ANKS3: variants seen among roughly 807,000 people sequenced by gnomAD.
ANKS3 encodes ankyrin repeat and sterile alpha motif domain containing 3.
Under a neutral mutation model 80.7 loss-of-function variants are expected in ANKS3, and 62 were observed. The observed-to-expected ratio is 0.77, with a 90% CI of 0.63 to 0.95. The LOEUF (loss-of-function observed/expected upper bound fraction) is 0.95. ANKS3 is among the 40% of genes least tolerant of loss of function. ANKS3 has a pLI of 0.00. For synonymous variants in ANKS3, 489 were observed against 355.3 expected (o/e 1.38, Z -4.23); for missense variants, 1,150 against 883.6 (o/e 1.30, Z -3.82).
At position 4,702,189 on chromosome 16, in the gene ANKS3, G is replaced by A. The variant is rs2079952366; in HGVS notation, c.922C>T (p.Leu308=). The A allele has an allele frequency of 1.9e-6, 3 of 1,594,424 alleles. No individual in the cohort carries two copies. The highest frequency in any genetic ancestry group is 1.7e-5 in the Admixed American group (1 of 57,232). The change falls in exon 9 of 18, where the codon CTG becomes TTG. Residue 308 remains leucine (L), a synonymous_variant. Coordinates refer to ENST00000304283, the MANE Select transcript of ANKS3 (RefSeq NM_133450.4). The part of the protein sequence containing the change: ...VTFNSSGENP[L]EEEGLCCRDV... Reference sequence around the variant, plus strand: ...CGGCAGCAGAGGCCCTCTTCTTCCAGGGGGTTCTCGCCACTGCTGTTGAAG... The same window carrying A: ...CGGCAGCAGAGGCCCTCTTCTTCCAAGGGGTTCTCGCCACTGCTGTTGAAG...
Position 4,698,935 on chromosome 16 carries a change from A to T in ANKS3, c.1416T>A (p.Phe472Leu). 1.2e-6 allele frequency: 2 copies of T among 1,602,186 alleles called. No homozygotes were observed. The highest frequency in any genetic ancestry group is 1.7e-6 in the Non-Finnish European group (2 of 1,172,718). ...SDLKEIGITLFGPKRKMTSAI... is the reference protein window; with the variant it reads ...SDLKEIGITLLGPKRKMTSAI... Reference sequence around the variant, plus strand: ...CGGACGTCATCTTCCTCTTGGGCCCAAACAGCCTGCGGGGGGAATGTGACC... The same window carrying T: ...CGGACGTCATCTTCCTCTTGGGCCCTAACAGCCTGCGGGGGGAATGTGACC... The change falls in exon 13 of 18, where the codon TTT (phenylalanine) becomes TTA (leucine). Residue 472 changes from phenylalanine (F) to leucine (L), a missense_variant. Transcript: ENST00000304283.
chr16:4,710,894 G>A (rs1162396427), intron 7 of ANKS3, among the ~76,000 whole-genome samples: 3 of 152,104 alleles, frequency 2.0e-5, no homozygotes, highest in African/African-American at 7.2e-5. Flanking sequence ...CCCCTCCCGG[G>A]TTCAAGTGAT....
At chr16:4,720,275 A>C (rs1451709934) in intron 6 of ANKS3, among the ~76,000 whole-genome samples, 1 of 150,384 alleles carries the variant, frequency 6.6e-6, no homozygotes, top group Non-Finnish European at 1.5e-5. Flanking sequence ...CATCCTGGCC[A>C]ACATGGTGAA....
intron 7 of ANKS3, among the ~76,000 whole-genome samples, chr16:4,705,487 G>A (rs956731432): frequency 7.2e-5 from 11 of 152,334 alleles, no homozygotes; most frequent in East Asian, 3.9e-4. Flanking sequence ...TTGAGACAGA[G>A]TCTCACTCTG....
intron 6 of ANKS3, among the ~76,000 whole-genome samples, chr16:4,714,939 C>T (rs1279226892): frequency 1.6e-5 from 2 of 125,438 alleles, no homozygotes; most frequent in African/African-American, 6.0e-5. Flanking sequence ...CTGCAGTGAG[C>T]TGAGATCATG....
intron 11 of ANKS3, chr16:4,700,574 C>T: frequency 2.8e-6 from 1 of 360,518 alleles, no homozygotes; most frequent in Admixed American, 3.8e-5. Flanking sequence ...GTCAGAGGGA[C>T]CACAGAAAGG....
chr16:4,705,290 G>A (rs766442453), intron 7 of ANKS3, 37 bp from the exon 8 acceptor site: 5 of 1,597,606 alleles, frequency 3.1e-6, no homozygotes, highest in African/African-American at 1.3e-5. Flanking sequence ...AGTGTGTTCA[G>A]TAATGGACTC....
chr16:4,713,126 C>G (rs1244417945), intron 7 of ANKS3, among the ~76,000 whole-genome samples: 1 of 152,086 alleles, frequency 6.6e-6, no homozygotes, highest in Admixed American at 6.6e-5. Flanking sequence ...AAAAAATTAG[C>G]CGGGCATGGT....
intron 7 of ANKS3, among the ~76,000 whole-genome samples, chr16:4,706,080 T>C (rs2080172482): frequency 6.6e-6 from 1 of 152,106 alleles, no homozygotes; most frequent in South Asian, 2.1e-4. Flanking sequence ...TATATTTTAG[T>C]AGAGATGGGG....
At chr16:4,697,902 C>G in intron 15 of ANKS3, 75 bp downstream of exon 15, 1 of 1,333,638 alleles carries the variant, frequency 7.5e-7, no homozygotes. Context: ...AGGCCAAGCC[C>G]ACTGGGTCAA....
intron 10 of ANKS3, 85 bp from the exon 11 acceptor site, chr16:4,701,219 G>A: frequency 6.3e-7 from 1 of 1,583,338 alleles, no homozygotes; most frequent in Admixed American, 1.7e-5. Context: ...ACAGGGGCTT[G>A]AGAGGCTTCG....
chr16:4,704,522 G>A (rs1050462468), intron 8 of ANKS3, among the ~76,000 whole-genome samples: 1 of 152,138 alleles, frequency 6.6e-6, no homozygotes, highest in Non-Finnish European at 1.5e-5. Context: ...CACTCCCCAA[G>A]AGCAAAACGC....
At chr16:4,700,929 C>T (rs768419782) in intron 11 of ANKS3, 41 bp downstream of exon 11, 2 of 1,611,826 alleles carry the variant, frequency 1.2e-6, no homozygotes, top group Non-Finnish European at 1.7e-6. Context: ...ACAAAAAGTG[C>T]CGTCTCTGAG....
At chr16:4,709,161 C>G (rs984482674) in intron 7 of ANKS3, among the ~76,000 whole-genome samples, 1 of 151,512 alleles carries the variant, frequency 6.6e-6, no homozygotes, top group Non-Finnish European at 1.5e-5. Flanking sequence ...AATCCCAGCA[C>G]TTTGGGAGGC....
At position 4,698,577 on chromosome 16, in the gene ANKS3, G is replaced by A. The variant is rs377174585; in HGVS notation, c.1574C>T (p.Thr525Met). ...LHKRCEEVEA[T>M]RGQVCQEQEL... ...CTGCTCCTGACACACCTGGCCCCGCGTGGCCTCTACCTCCTCGCAGCGCTG... is the reference window on the plus strand; with the variant it reads ...CTGCTCCTGACACACCTGGCCCCGCATGGCCTCTACCTCCTCGCAGCGCTG... Residue 525 changes from threonine (T) to methionine (M), a missense_variant, in exon 14 of 18, where the codon ACG becomes ATG. By Grantham distance (81) the Thr-to-Met change is moderately conservative. Coordinates refer to ENST00000304283, the MANE Select transcript of ANKS3 (RefSeq NM_133450.4). 9.3e-5 allele frequency: 146 copies of A among 1,575,814 alleles called. No homozygotes were observed. In the Middle Eastern group the frequency reaches 1.4e-3, roughly 15 times the overall value.
intron 6 of ANKS3, 83 bp from the exon 7 acceptor site, chr16:4,714,269 G>T: frequency 6.4e-7 from 1 of 1,556,152 alleles, no homozygotes; most frequent in Non-Finnish European, 8.7e-7. Flanking sequence ...GAAGACAGAA[G>T]GGCATATGCT....
At chr16:4,709,394 G>A (rs1361165757) in intron 7 of ANKS3, among the ~76,000 whole-genome samples, 9 of 144,010 alleles carry the variant, frequency 6.2e-5, no homozygotes, top group South Asian at 4.4e-4. Flanking sequence ...AAACAAGAGC[G>A]AAACTCCATC....
chr16:4,733,946 C>T lies in ANKS3; in HGVS notation c.-79G>A. ...ACAAACCCGTAACTCACAGCAGTGACGCTTCCCGACGCCCCCCGGCCACAT... is the reference window on the plus strand; with the variant it reads ...ACAAACCCGTAACTCACAGCAGTGATGCTTCCCGACGCCCCCCGGCCACAT... On this transcript the variant is annotated 5_prime_UTR_variant, in exon 1 of 18. Transcript: ENST00000304283. 4 of 985,506 alleles carry T rather than the reference C, an allele frequency of 4.1e-6. No individual in the cohort carries two copies. Among genetic ancestry groups the T allele is most frequent in the Non-Finnish European group, 4.8e-6 (4 of 829,988 alleles). The allele number at this position is 985,506 out of a possible 1,614,324, so 61.0% of individuals were successfully genotyped here. A position where few individuals can be genotyped will look rare whatever the true frequency, so the allele number is the denominator to read the frequency against.
chr16:4,731,173 G>A (rs962623898), intron 2 of ANKS3, among the ~76,000 whole-genome samples: 1 of 152,222 alleles, frequency 6.6e-6, no homozygotes, highest in African/African-American at 2.4e-5. Context: ...TTGGGGCAGA[G>A]AGGGAATTTG....
Sources: allele counts gnomAD v4.1 joint callset (sites outside exome capture counted in the v4.1 genomes callset), GRCh38; gene constraint gnomAD v4.1.1; transcripts MANE v1.5; gene names NCBI Gene and HGNC (gene_info 2026-07-23, HGNC 2026-07-21).